The following TNNT1 variants were observed in gnomAD, a reference collection of about 807,000 sequenced individuals.
TNNT1 encodes the protein troponin T1, slow skeletal type.
Under a neutral mutation model 50.6 loss-of-function variants are expected in TNNT1, and 53 were observed. The observed-to-expected ratio is 1.05, with a 90% CI of 0.84 to 1.32. The LOEUF (loss-of-function observed/expected upper bound fraction) is 1.32. TNNT1 is among the 40% of genes most tolerant of loss of function. The pLI, the probability that TNNT1 is intolerant of heterozygous loss-of-function variation, is 0.00. For missense variants in TNNT1, 348 were observed against 381.7 expected (o/e 0.91, Z 0.74); for synonymous variants, 142 against 138.0 (o/e 1.03, Z -0.20).
intron 11 of TNNT1, among the ~76,000 whole-genome samples, chr19:55,135,912 T>C (rs2085339470): frequency 6.6e-6 from 1 of 152,180 alleles, no homozygotes; most frequent in South Asian, 2.1e-4. Flanking sequence ...TGCACATCCT[T>C]TCCCGTCTCC....
intron 1 of TNNT1, among the ~76,000 whole-genome samples, chr19:55,148,779 C>A (rs964378086): frequency 4.0e-5 from 6 of 151,378 alleles, no homozygotes; most frequent in African/African-American, 9.8e-5. Context: ...TCTTCTGAGA[C>A]CCCCCCAATT....
Position 55,144,400 on chromosome 19 carries a change from G to A in TNNT1, c.128+1144C>T, listed in dbSNP as rs913128770. On this transcript the variant is annotated intron_variant, in intron 6 of 13. Coordinates refer to ENST00000588981, the MANE Select transcript of TNNT1 (RefSeq NM_003283.6). Reference sequence around the variant, plus strand: ...CCCTTATTTTTATTTATGTTTTAGAGACAGGGTCTTGCTCTGTTGCCCAGG... The same window carrying A: ...CCCTTATTTTTATTTATGTTTTAGAAACAGGGTCTTGCTCTGTTGCCCAGG... Among the ~76,000 whole-genome samples, 15 of 151,842 alleles carry A rather than the reference G, an allele frequency of 9.9e-5. 1 individual carries two copies. Among genetic ancestry groups the A allele is most frequent in the Admixed American group, 2.6e-4 (4 of 15,224 alleles).
At chr19:55,141,087 G>A (rs1284047419) in intron 8 of TNNT1, 99 bp downstream of exon 8, 1 of 1,472,728 alleles carries the variant, frequency 6.8e-7, no homozygotes, top group East Asian at 2.3e-5. Context: ...CTAAGGCTCA[G>A]CTCTGTACTA....
chr19:55,134,091 G>C lies in TNNT1; in HGVS notation c.725C>G (p.Ala242Gly). ...CTCATATTTCTGCTGTTTCAGCTTC[G>C]CCATCAGGTCGAACTTCTCAGACTC... ...QLESEKFDLM[A>G]KLKQQKYEIN... is the part of the protein sequence containing the mutation. Residue 242 changes from alanine to glycine, a missense_variant, in exon 12 of 14, where the codon GCG (alanine) becomes GGG (glycine). By Grantham distance (60) the Ala-to-Gly change is moderately conservative. Transcript: ENST00000588981. The C allele has an allele frequency of 1.2e-6, 2 of 1,612,806 alleles. No individual in the cohort carries two copies. Among genetic ancestry groups the C allele is most frequent in the Admixed American group, 1.7e-5 (1 of 59,884 alleles).
intron 9 of TNNT1, 150 bp from the exon 10 acceptor site, chr19:55,138,224 CA>C: frequency 1.5e-6 from 2 of 1,364,412 alleles, no homozygotes; most frequent in Admixed American, 4.0e-5. Context: ...CAGGGGTACC[CA>C]CTCCCGGCCC....
intron 9 of TNNT1, among the ~76,000 whole-genome samples, chr19:55,139,718 G>GCTA (rs1481480077): frequency 6.6e-6 from 1 of 152,070 alleles, no homozygotes; most frequent in African/African-American, 2.4e-5. Flanking sequence ...TGTAATCCCA[G>GCTA]CTACTCGGGA....
chr19:55,143,662 A>C (rs796805285), intron 6 of TNNT1, among the ~76,000 whole-genome samples: 32 of 151,164 alleles, frequency 2.1e-4, no homozygotes, highest in Non-Finnish European at 3.8e-4. Context: ...CTTGCCTCCC[A>C]CCCCTCTGGC....
rs1218449470 is a variant in TNNT1 at position 55,133,948 on chromosome 19, T to TG, written c.751-22dup. The TG allele has an allele frequency of 8.7e-6, 14 of 1,610,524 alleles. No individual in the cohort carries two copies. The East Asian group carries it at 1.3e-4, about 15-fold the overall frequency. On this transcript the variant is annotated intron_variant, in intron 12 of 13. Coordinates refer to ENST00000588981, the MANE Select transcript of TNNT1 (RefSeq NM_003283.6). ...TTGATCTGCGGAGGCAGAAGACAGA[T>TG]GCTGGGACAGCCGGTGGGGACGTGG...
At chr19:55,138,220 T>C (rs1334691788) in intron 9 of TNNT1, 146 bp from the exon 10 acceptor site, 12 of 1,400,510 alleles carry the variant, frequency 8.6e-6, no homozygotes, top group Middle Eastern at 2.1e-4. Flanking sequence ...AACGCAGGGG[T>C]ACCCACTCCC....
intron 11 of TNNT1, chr19:55,135,499 G>C (rs2085330751): frequency 3.1e-6 from 1 of 319,274 alleles, no homozygotes; most frequent in African/African-American, 2.4e-5. Flanking sequence ...CAACCTCTCA[G>C]GCTCTAGTGA....
At chr19:55,137,678 G>C (rs1220290894) in intron 10 of TNNT1, among the ~76,000 whole-genome samples, 2 of 130,098 alleles carry the variant, frequency 1.5e-5, no homozygotes, top group African/African-American at 3.0e-5. Flanking sequence ...TTAGGAACCA[G>C]AAGTCTGGCC....
chr19:55,133,531 A>C (rs926805311), intron 13 of TNNT1: 9 of 368,304 alleles, frequency 2.4e-5, no homozygotes, highest in Non-Finnish European at 4.5e-5. Flanking sequence ...TACAAAAATT[A>C]GCCACGCTTG....
At chr19:55,142,498 A>G (rs149860818) in intron 6 of TNNT1, among the ~76,000 whole-genome samples, 31 of 152,018 alleles carry the variant, frequency 2.0e-4, no homozygotes, top group Admixed American at 3.9e-4. Flanking sequence ...TGCTATGAAA[A>G]TTAATTTTTC....
chr19:55,142,105 T>G, intron 6 of TNNT1, 185 bp from the exon 7 acceptor site: 1 of 600,996 alleles, frequency 1.7e-6, no homozygotes, highest in Non-Finnish European at 3.0e-6. Flanking sequence ...ACTACTCATG[T>G]TTTTTTGGTT....
Position 55,137,971 on chromosome 19 carries a change from T to C in TNNT1, c.491A>G (p.Tyr164Cys). 6.2e-7 allele frequency: 1 copy of C among 1,614,174 alleles called. No individual in the cohort carries two copies. The part of the protein sequence containing the change: ...LSNMGAHFGG[Y>C]LVKAEQKRGK... ...TGCAGGCTGACTCACCTTGACCAGGTAGCCGCCAAAATGGGCCCCCATGTT... is the reference window on the plus strand; with the variant it reads ...TGCAGGCTGACTCACCTTGACCAGGCAGCCGCCAAAATGGGCCCCCATGTT... Residue 164 changes from tyrosine to cysteine, a missense_variant, in exon 10 of 14, where the codon TAC (tyrosine) becomes TGC (cysteine). By Grantham distance (194) the Tyr-to-Cys change is radical. This residue lies in a region of TNNT1 where 253 missense variants were observed against 291.8 expected (regional missense o/e 0.87). Coordinates refer to ENST00000588981, the MANE Select transcript of TNNT1 (RefSeq NM_003283.6).
chr19:55,146,562 G>A (rs1171678034), intron 4 of TNNT1, 96 bp from the exon 5 acceptor site: 1 of 1,148,684 alleles, frequency 8.7e-7, no homozygotes, highest in Non-Finnish European at 1.2e-6. Context: ...AGACGTGAGA[G>A]GCTGTTAGAG....
At chr19:55,136,933 T>C (rs2085354996) in intron 11 of TNNT1, among the ~76,000 whole-genome samples, 170 bp downstream of exon 11, 1 of 152,006 alleles carries the variant, frequency 6.6e-6, no homozygotes, top group South Asian at 2.1e-4. Context: ...CAGTGACATG[T>C]TTCACAAAGA....
intron 8 of TNNT1, 24 bp downstream of exon 8, chr19:55,141,162 G>A (rs1305417967): frequency 4.4e-6 from 7 of 1,598,700 alleles, no homozygotes; most frequent in Non-Finnish European, 6.0e-6. Context: ...GGAAGACCGG[G>A]GGGAACCCGG....
chr19:55,147,031 G>A lies in TNNT1; in HGVS notation c.33-10C>T. 6 of 1,612,494 alleles carry A rather than the reference G, an allele frequency of 3.7e-6. No homozygotes were observed. The highest frequency in any genetic ancestry group is 5.1e-6 in the Non-Finnish European group (6 of 1,179,580). On this transcript the variant is annotated splice_polypyrimidine_tract_variant and intron_variant, in intron 2 of 13. Coordinates refer to ENST00000588981, the MANE Select transcript of TNNT1 (RefSeq NM_003283.6). ...ACCTTCCGGCTGCTCCCTGCGGACG[G>A]GTGTGGGGAGAGAGGAGGGAGGGGA...
Sources: allele counts gnomAD v4.1 joint callset (sites outside exome capture counted in the v4.1 genomes callset), GRCh38; gene constraint gnomAD v4.1.1; regional missense constraint gnomAD v4.1.1; transcripts MANE v1.5; gene names NCBI Gene and HGNC (gene_info 2026-07-23, HGNC 2026-07-21).